Variants in ARHGEF10L observed in about 807,000 individuals in gnomAD.
ARHGEF10L encodes Rho guanine nucleotide exchange factor 10 like.
A neutral mutation model predicts 141.2 loss-of-function variants in ARHGEF10L; 69 were observed. The ratio of observed to expected loss-of-function variants is 0.49; its 90% CI spans 0.40 to 0.60. ARHGEF10L has a LOEUF of 0.60. ARHGEF10L is among the 20% of genes least tolerant of loss of function. ARHGEF10L has a pLI of 0.00. For missense variants in ARHGEF10L, 1,482 were observed against 1,734.3 expected (o/e 0.85, Z 2.58); for synonymous variants, 711 against 718.5 (o/e 0.99, Z 0.17).
chr1:17,683,144 G>C (rs1412966742), intron 26 of ARHGEF10L, among the ~76,000 whole-genome samples: 34 of 83,516 alleles, frequency 4.1e-4, no homozygotes, highest in African/African-American at 5.9e-4. Flanking sequence ...TGCTCTCACC[G>C]CGGTGCTCAC....
intron 25 of ARHGEF10L, among the ~76,000 whole-genome samples, chr1:17,661,260 T>C (rs1372593897): frequency 5.9e-5 from 9 of 152,190 alleles, no homozygotes; most frequent in Admixed American, 5.9e-4. Flanking sequence ...GTATTTTTAA[T>C]AGAGAAGGGG....
chr1:17,597,997 G>A lies in ARHGEF10L; in HGVS notation c.258-4130G>A, dbSNP rs532891296. 2.0e-5 allele frequency among the ~76,000 whole-genome samples: 3 copies of A among 152,322 alleles called. No individual in the cohort carries two copies. The South Asian group carries it at 6.2e-4, about 32-fold the overall frequency. ...TGCATTCTTTCGGTTAAAGCGTGCT[G>A]CAGCCTTTGAGCTGGGTGTTACGCT... On this transcript the variant is annotated intron_variant, in intron 4 of 28. Transcript: ENST00000361221.
intron 4 of ARHGEF10L, among the ~76,000 whole-genome samples, chr1:17,600,535 A>G (rs2080546145): frequency 6.6e-6 from 1 of 152,214 alleles, no homozygotes; most frequent in Non-Finnish European, 1.5e-5. Flanking sequence ...AGCATCTCAC[A>G]TGGCCTTGGC....
At chr1:17,628,880 G>C (rs2060524384) in intron 15 of ARHGEF10L, among the ~76,000 whole-genome samples, 1 of 152,182 alleles carries the variant, frequency 6.6e-6, no homozygotes, top group African/African-American at 2.4e-5. Flanking sequence ...CCCCATGCCT[G>C]TGAAGTGGGG....
chr1:17,562,115 A>G (rs2100840690), intron 1 of ARHGEF10L, among the ~76,000 whole-genome samples: 1 of 152,128 alleles, frequency 6.6e-6, no homozygotes, highest in African/African-American at 2.4e-5. Flanking sequence ...TCCCCTGGGA[A>G]CCTCAAGATT....
rs2060917303 is a variant in ARHGEF10L at position 17,635,027 on chromosome 1, C to G, written c.1927+11C>G. The G allele has an allele frequency of 6.2e-7, 1 of 1,613,712 alleles. No individual in the cohort carries two copies. Among genetic ancestry groups the G allele is most frequent in the Non-Finnish European group, 8.5e-7 (1 of 1,179,830 alleles). On this transcript the variant is annotated intron_variant, in intron 18 of 28. Coordinates refer to ENST00000361221, the MANE Select transcript of ARHGEF10L (RefSeq NM_018125.4). The stretch of plus-strand genomic sequence containing the variant: ...CAGGGCAGGCTCAGAGTGAGTACCC[C>G]CTCTCTGTGCCCTGCGTTCGTCACC...
At chr1:17,637,820 T>G (rs1488872600) in intron 18 of ARHGEF10L, 68 bp from the exon 19 acceptor site, 1 of 1,418,512 alleles carries the variant, frequency 7.0e-7, no homozygotes, top group Admixed American at 2.2e-5. Context: ...TCTTTTTTGT[T>G]GTGAGCAGAT....
chr1:17,525,205 C>T, the ARHGEF10L span, among the ~76,000 whole-genome samples: 2 of 152,162 alleles, frequency 1.3e-5, no homozygotes, highest in East Asian at 1.9e-4. Flanking sequence ...AGGGAGCCAG[C>T]GGGGTTAAGT....
At chr1:17,659,233 A>G (rs2062459370) in intron 25 of ARHGEF10L, among the ~76,000 whole-genome samples, 1 of 151,942 alleles carries the variant, frequency 6.6e-6, no homozygotes, top group Admixed American at 6.6e-5. Flanking sequence ...CAGTGAACCT[A>G]CTCTCTGGGT....
intron 2 of ARHGEF10L, among the ~76,000 whole-genome samples, chr1:17,586,578 C>T (rs572940450): frequency 3.9e-5 from 6 of 152,268 alleles, no homozygotes; most frequent in South Asian, 4.1e-4. Flanking sequence ...AATGGCTTCT[C>T]GTGCTCTCTA....
In ARHGEF10L at chr1:17,627,498, A is replaced by T; in HGVS notation, c.1579A>T (p.Asn527Tyr). 1 of 1,611,872 alleles carries T rather than the reference A, an allele frequency of 6.2e-7. No individual in the cohort carries two copies. The highest frequency in any genetic ancestry group is 8.5e-7 in the Non-Finnish European group (1 of 1,179,798). Residue 527 changes from asparagine (N) to tyrosine (Y), a missense_variant, in exon 15 of 29, where the codon AAC becomes TAC. Physicochemically the swap from Asn to Tyr is moderately radical, Grantham distance 143. Coordinates refer to ENST00000361221, the MANE Select transcript of ARHGEF10L (RefSeq NM_018125.4). This position sits in a 1 kb window ranked among gnomAD's most constrained non-coding sequence, Gnocchi z 4.0. Reference protein sequence around the residue: ...TKSVSDRSSLNKLLTSGQRQL... With the variant: ...TKSVSDRSSLYKLLTSGQRQL... ...GAGCGTCAGTGACCGCAGCAGCCTCAACAAGGTGAGCTGGGCCTCCCACCT... is the reference window on the plus strand; with the variant it reads ...GAGCGTCAGTGACCGCAGCAGCCTCTACAAGGTGAGCTGGGCCTCCCACCT...
At chr1:17,594,721 G>A (rs2079910396) in intron 4 of ARHGEF10L, among the ~76,000 whole-genome samples, 1 of 152,114 alleles carries the variant, frequency 6.6e-6, no homozygotes, top group South Asian at 2.1e-4. Context: ...CTGACCTCAA[G>A]TGATCTGCCT....
At chr1:17,651,555 T>G (rs981450569) in intron 22 of ARHGEF10L, among the ~76,000 whole-genome samples, 2 of 152,122 alleles carry the variant, frequency 1.3e-5, no homozygotes, top group Admixed American at 6.5e-5. Context: ...CAGACCCCAG[T>G]GGTGGAGTCA....
rs888412563 is a variant in ARHGEF10L at position 17,654,464 on chromosome 1, C to T, written c.2395-172C>T. Among the ~76,000 whole-genome samples, 6 of 152,152 alleles carry T rather than the reference C, an allele frequency of 3.9e-5. No homozygotes were observed. Among genetic ancestry groups the T allele is most frequent in the African/African-American group, 1.2e-4 (5 of 41,422 alleles). ...CTAGGAAAGGAAGAACAAATGTGAG[C>T]GTGTAGGAACTGCCTGGAGAAGCAG... On this transcript the variant is annotated intron_variant, in intron 22 of 28. Coordinates refer to ENST00000361221, the MANE Select transcript of ARHGEF10L (RefSeq NM_018125.4). The surrounding 1 kb of genome is among the most constrained non-coding windows in gnomAD (Gnocchi z 4.3).
intron 1 of ARHGEF10L, among the ~76,000 whole-genome samples, chr1:17,561,118 A>C (rs2077527128): frequency 6.6e-6 from 1 of 152,216 alleles, no homozygotes; most frequent in Non-Finnish European, 1.5e-5. Context: ...GTGAGGCTAA[A>C]GTGAGATGGT....
chr1:17,564,324 G>A (rs1239528049), intron 1 of ARHGEF10L, among the ~76,000 whole-genome samples: 1 of 152,194 alleles, frequency 6.6e-6, no homozygotes, highest in Non-Finnish European at 1.5e-5. Flanking sequence ...GAGACTTGGA[G>A]GGGGGCTGCT....
At chr1:17,522,185 T>C in the ARHGEF10L span, among the ~76,000 whole-genome samples, 2 of 152,234 alleles carry the variant, frequency 1.3e-5, no homozygotes, top group South Asian at 4.1e-4. Context: ...TCTGTTTCCT[T>C]ATCAACATTT....
chr1:17,557,346 A>C (rs79326404), intron 1 of ARHGEF10L, among the ~76,000 whole-genome samples: 16,609 of 150,804 alleles, frequency 0.11, 1,259 homozygotes, highest in East Asian at 0.4. Context: ...CCATCTCAAA[A>C]AAAAAAAAAC....
intron 26 of ARHGEF10L, among the ~76,000 whole-genome samples, chr1:17,681,857 C>A (rs1466687704): frequency 1.3e-5 from 2 of 152,172 alleles, no homozygotes; most frequent in Non-Finnish European, 2.9e-5. Context: ...CATGGGTGAT[C>A]CTTGGTGATT....
Sources: gnomAD v4.1 joint callset for allele counts (sites outside exome capture counted in the v4.1 genomes callset) on GRCh38, gnomAD v4.1.1 for gene constraint, Gnocchi (gnomAD v3.1) non-coding constraint, MANE v1.5 for transcripts, NCBI Gene and HGNC (gene_info 2026-07-23, HGNC 2026-07-21) for gene names.